The following FIGN variants were observed in gnomAD, a reference collection of about 807,000 sequenced individuals.
FIGN encodes the protein fidgetin.
Under a neutral mutation model 51.3 loss-of-function variants are expected in FIGN, and 11 were observed. That is an observed-to-expected ratio of 0.21 (90% CI 0.13 to 0.35). The LOEUF is 0.35. Among genes scored for constraint, FIGN ranks in the 10% least tolerant of loss-of-function variants. The pLI is 1.00. For missense variants in FIGN, 857 were observed against 943.6 expected (o/e 0.91, Z 1.20); for synonymous variants, 407 against 363.2 (o/e 1.12, Z -1.37).
intron 2 of FIGN, among the ~76,000 whole-genome samples, chr2:163,633,642 T>C (rs144544575): frequency 2.1e-4 from 32 of 152,328 alleles, no homozygotes; most frequent in African/African-American, 7.5e-4. Context: ...CTAGATTTGG[T>C]ATTGTACTGA....
chr2:163,642,699 A>G (rs1268225903), intron 2 of FIGN, among the ~76,000 whole-genome samples: 1 of 152,214 alleles, frequency 6.6e-6, no homozygotes, highest in Non-Finnish European at 1.5e-5. Flanking sequence ...ACCAGCAGCT[A>G]AGACAGTTCT....
At chr2:163,734,763 A>G (rs1684988733) in intron 2 of FIGN, 140 bp downstream of exon 2, 2 of 690,184 alleles carry the variant, frequency 2.9e-6, no homozygotes, top group Non-Finnish European at 4.6e-6. Context: ...GCATGGTGAC[A>G]TTAAACATAT....
In FIGN at chr2:163,604,917, G is replaced by A. The variant is rs1691053781; in HGVS notation, c.*4635C>T. The A allele has an allele frequency of 9.2e-6, 1 of 109,092 alleles. No homozygotes were observed. Among genetic ancestry groups the A allele is most frequent in the Non-Finnish European group, 1.9e-5 (1 of 53,602 alleles). The allele number at this position is 109,092 out of a possible 1,614,324, so 6.8% of individuals were successfully genotyped here. A position where few individuals can be genotyped will look rare whatever the true frequency, so the allele number is the denominator to read the frequency against. ...AGAGATATTAGAGGGAGAGTTTTAA[G>A]CCCAGAAATAAACTTTTGCTTTTTT... On this transcript the variant is annotated 3_prime_UTR_variant, in exon 3 of 3. Transcript: ENST00000333129.
chr2:163,698,582 T>C (rs564033466), intron 2 of FIGN, among the ~76,000 whole-genome samples: 54 of 152,172 alleles, frequency 3.5e-4, no homozygotes, highest in African/African-American at 1.2e-3. Flanking sequence ...AACACCACCT[T>C]CCCTGCTTGC....
intron 2 of FIGN, among the ~76,000 whole-genome samples, chr2:163,704,656 TCACACACACA>T (rs369275881): frequency 7.7e-6 from 1 of 129,710 alleles, no homozygotes. Context: ...TCTCTCTCTC[TCACACACACA>T]CACACACACA....
intron 2 of FIGN, among the ~76,000 whole-genome samples, chr2:163,660,427 C>A (rs1439585819): frequency 4.6e-5 from 7 of 151,958 alleles, no homozygotes; most frequent in Non-Finnish European, 7.4e-5. Flanking sequence ...GGAAAAAAAT[C>A]ACTACAGCAT....
intron 2 of FIGN, among the ~76,000 whole-genome samples, chr2:163,658,679 T>A (rs531120922): frequency 6.6e-6 from 1 of 151,916 alleles, no homozygotes; most frequent in Non-Finnish European, 1.5e-5. Context: ...GAACTAAGAG[T>A]GAGCACTCAC....
At chr2:163,619,734 T>C (rs994198948) in intron 2 of FIGN, among the ~76,000 whole-genome samples, 1 of 152,154 alleles carries the variant, frequency 6.6e-6, no homozygotes, top group Non-Finnish European at 1.5e-5. Context: ...AGATTCACTA[T>C]ATGATCAGGA....
intron 2 of FIGN, among the ~76,000 whole-genome samples, chr2:163,647,926 CAG>C (rs1280935972): frequency 6.6e-6 from 1 of 152,004 alleles, no homozygotes; most frequent in Non-Finnish European, 1.5e-5. Flanking sequence ...GCCTCAGAGA[CAG>C]AGGATAGGAG....
At chr2:163,626,236 A>G (rs1250909885) in intron 2 of FIGN, among the ~76,000 whole-genome samples, 1 of 152,192 alleles carries the variant, frequency 6.6e-6, no homozygotes, top group African/African-American at 2.4e-5. Context: ...TTCAGATCAA[A>G]ATGTCTTCCT....
At chr2:163,709,220 C>T (rs1390428959) in intron 2 of FIGN, among the ~76,000 whole-genome samples, 7 of 152,090 alleles carry the variant, frequency 4.6e-5, no homozygotes, top group African/African-American at 1.7e-4. Context: ...CCAGACACTC[C>T]TTGGGCAATC....
chr2:163,702,951 C>T (rs1326213301), intron 2 of FIGN, among the ~76,000 whole-genome samples: 1 of 151,712 alleles, frequency 6.6e-6, no homozygotes, highest in East Asian at 1.9e-4. Flanking sequence ...TCCTTTGCCC[C>T]ATACTAAAAG....
Position 163,661,028 on chromosome 2 carries a change from C to T in FIGN, c.26-49222G>A, listed in dbSNP as rs542892776. On this transcript the variant is annotated intron_variant, in intron 2 of 2. Coordinates refer to ENST00000333129, the MANE Select transcript of FIGN (RefSeq NM_018086.4). ...CCTCCCAAGTAGCTGGTATTACAGG[C>T]GCCCGCCACCACGCCCAGCTAATTT... Among the ~76,000 whole-genome samples the T allele has an allele frequency of 4.2e-4, 61 of 144,526 alleles. No homozygotes were observed. The East Asian group carries it at 5.6e-3, about 13-fold the overall frequency. 94.8% of individuals were successfully genotyped at this position (144,526 alleles called of 152,430 possible).
At chr2:163,624,081 T>C (rs1683015673) in intron 2 of FIGN, among the ~76,000 whole-genome samples, 1 of 151,874 alleles carries the variant, frequency 6.6e-6, no homozygotes, top group South Asian at 2.1e-4. Context: ...TGAGGTTACC[T>C]GTTAAATACA....
chr2:163,683,666 T>C (rs1322952247), intron 2 of FIGN, among the ~76,000 whole-genome samples: 1 of 152,084 alleles, frequency 6.6e-6, no homozygotes, highest in African/African-American at 2.4e-5. Context: ...CTTTAAAAAA[T>C]ACTGATAACT....
Position 163,611,148 on chromosome 2 carries a change from C to G in FIGN, c.684G>C (p.Pro228=), listed in dbSNP as rs779110711. 1 of 1,613,830 alleles carries G rather than the reference C, an allele frequency of 6.2e-7. No homozygotes were observed. Among genetic ancestry groups the G allele is most frequent in the East Asian group, 2.2e-5 (1 of 44,840 alleles). ...TGTAGCCTGGGACCAAGGCTGGTGG[C>G]GGAGGAGGTGGTGGTGGGGGCTGTA... The part of the protein sequence containing the change: ...GLLQPPPPPP[P]PPALVPGYNG... The change falls in exon 3 of 3, where the codon CCG becomes CCC. Residue 228 remains proline (P), a synonymous_variant. Transcript: ENST00000333129.
At chr2:163,684,433 A>G (rs946795608) in intron 2 of FIGN, among the ~76,000 whole-genome samples, 1 of 152,212 alleles carries the variant, frequency 6.6e-6, no homozygotes, top group African/African-American at 2.4e-5. Context: ...TTTGATCATA[A>G]CAGATAGTCT....
rs541541472 is a variant in FIGN, at chr2:163,686,520, G to T, written c.25+48383C>A. 1.6e-3 allele frequency among the ~76,000 whole-genome samples: 238 copies of T among 152,210 alleles called. 1 individual carries two copies. Among genetic ancestry groups the T allele is most frequent in the African/African-American group, 5.5e-3 (228 of 41,534 alleles). ...GCTATATAAAGCAGAGTTGGGAACG[G>T]TAAAGAAGTGAGAAGTGTGGGCGAA... is the stretch of plus-strand genomic sequence containing the variant. On this transcript the variant is annotated intron_variant, in intron 2 of 2. Coordinates refer to ENST00000333129, the MANE Select transcript of FIGN (RefSeq NM_018086.4).
At chr2:163,627,539 T>C (rs1683072138) in intron 2 of FIGN, among the ~76,000 whole-genome samples, 1 of 152,118 alleles carries the variant, frequency 6.6e-6, no homozygotes, top group Admixed American at 6.6e-5. Context: ...GTTTTTATGC[T>C]TGAGCTTTTG....
Sources: gnomAD v4.1 joint callset for allele counts (sites outside exome capture counted in the v4.1 genomes callset) on GRCh38, gnomAD v4.1.1 for gene constraint, MANE v1.5 for transcripts, NCBI Gene and HGNC (gene_info 2026-07-23, HGNC 2026-07-21) for gene names.